The following NUDC variants were observed in gnomAD, a reference collection of about 807,000 sequenced individuals.
NUDC encodes nuclear distribution C, dynein complex regulator.
A neutral mutation model predicts 45.0 loss-of-function variants in NUDC; 14 were observed. That is an observed-to-expected ratio of 0.31 (90% CI 0.21 to 0.49). The LOEUF is 0.49. Among genes scored for constraint, NUDC ranks in the 20% least tolerant of loss-of-function variants. The pLI is 0.99. For synonymous variants in NUDC, 153 were observed against 156.7 expected (o/e 0.98, Z 0.17); for missense variants, 323 against 426.2 (o/e 0.76, Z 2.13).
chr1:26,924,202 T>G, intron 2 of NUDC, 36 bp downstream of exon 2: 2 of 1,583,430 alleles, frequency 1.3e-6, no homozygotes, highest in Non-Finnish European at 1.7e-6. Context: ...TGGGCGGCTC[T>G]GTCTCTTCAG....
intron 1 of NUDC, among the ~76,000 whole-genome samples, chr1:26,900,844 T>A (rs1443605953): frequency 2.0e-5 from 3 of 152,032 alleles, no homozygotes; most frequent in Non-Finnish European, 2.9e-5. Flanking sequence ...AAGAAAAAGA[T>A]AACCCGGTAG....
chr1:26,931,556 G>A (rs1173640870), intron 2 of NUDC, among the ~76,000 whole-genome samples: 4 of 149,890 alleles, frequency 2.7e-5, no homozygotes, highest in Non-Finnish European at 4.4e-5. Flanking sequence ...CGAGGTGGGC[G>A]GATCATGAGG....
chr1:26,903,117 A>G (rs945190106), intron 2 of NUDC, among the ~76,000 whole-genome samples: 3 of 152,090 alleles, frequency 2.0e-5, no homozygotes, highest in African/African-American at 4.8e-5. Flanking sequence ...ATTTCACAGT[A>G]TATATAAATA....
intron 2 of NUDC, among the ~76,000 whole-genome samples, chr1:26,937,896 G>C (rs1169706417): frequency 6.6e-6 from 1 of 152,078 alleles, no homozygotes; most frequent in East Asian, 1.9e-4. Context: ...TGATCTGTCT[G>C]CCTCTGCTTC....
At chr1:26,937,754 G>T (rs1044451236) in intron 2 of NUDC, among the ~76,000 whole-genome samples, 3 of 151,992 alleles carry the variant, frequency 2.0e-5, no homozygotes, top group African/African-American at 7.2e-5. Context: ...CCAGGCTCAA[G>T]CAATCCCCCT....
At chr1:26,921,627 C>G (rs1570721038), upstream of NUDC, 10 of 590,904 alleles carry the variant, frequency 1.7e-5, no homozygotes, top group African/African-American at 1.1e-4. Flanking sequence ...GACCAATGGT[C>G]GGCGAAGCGG....
Position 26,913,886 on chromosome 1 carries a change from C to T in NUDC, c.93+2651C>T, listed in dbSNP as rs746657025. ...GAGCTCAGAAGTGCGTAGAGAATGG[C>T]GGGGCGGCTTGCAGCTCCCTGGCAT... On this transcript the variant is annotated intron_variant, in intron 3 of 6. Transcript: ENST00000435827. 15 of 1,487,148 alleles carry T rather than the reference C, an allele frequency of 1.0e-5. No homozygotes were observed. In the Admixed American group the frequency reaches 1.6e-4, roughly 16 times the overall value. The allele number at this position is 1,487,148 out of a possible 1,614,324, so 92.1% of individuals were successfully genotyped here. A position where few individuals can be genotyped will look rare whatever the true frequency, so the allele number is the denominator to read the frequency against.
intron 1 of NUDC, 39 bp downstream of exon 1, chr1:26,921,968 G>A: frequency 6.5e-7 from 1 of 1,540,896 alleles, no homozygotes; most frequent in Non-Finnish European, 8.8e-7. Flanking sequence ...CGGCGGCCTT[G>A]GCCACGCTCC....
intron 3 of NUDC, chr1:26,912,188 C>G: frequency 6.9e-7 from 1 of 1,447,668 alleles, no homozygotes; most frequent in Non-Finnish European, 9.4e-7. Flanking sequence ...ACCCCTCTGC[C>G]TCCTTTGCTC....
chr1:26,920,342 A>G (rs2082082822), upstream of NUDC, among the ~76,000 whole-genome samples: 1 of 152,038 alleles, frequency 6.6e-6, no homozygotes, highest in Non-Finnish European at 1.5e-5. Context: ...ACAAAAAAAA[A>G]TTAGTTAGGC....
intron 2 of NUDC, among the ~76,000 whole-genome samples, chr1:26,925,672 C>T (rs1318598963): frequency 6.6e-6 from 1 of 150,736 alleles, no homozygotes; most frequent in African/African-American, 2.4e-5. Context: ...CTTTCTGATT[C>T]CTTAAAGTTG....
intron 2 of NUDC, among the ~76,000 whole-genome samples, chr1:26,925,372 C>T (rs929731786): frequency 6.6e-6 from 1 of 150,838 alleles, no homozygotes; most frequent in African/African-American, 2.4e-5. Context: ...AACCCCGTCT[C>T]TACTAAAAAC....
intron 3 of NUDC, chr1:26,912,200 G>T (rs1166444070): frequency 5.5e-6 from 7 of 1,278,964 alleles, no homozygotes; most frequent in Non-Finnish European, 7.6e-6. Flanking sequence ...CCTTTGCTCG[G>T]CCTTTGAGGT....
upstream of NUDC, among the ~76,000 whole-genome samples, chr1:26,919,810 ATAG>A (rs2082079961): frequency 6.6e-6 from 1 of 152,234 alleles, no homozygotes; most frequent in Non-Finnish European, 1.5e-5. Context: ...GTGGGAAGAA[ATAG>A]TAGTCTTAAC....
At chr1:26,916,359 C>T (rs949479897) in intron 3 of NUDC, among the ~76,000 whole-genome samples, 2 of 151,916 alleles carry the variant, frequency 1.3e-5, no homozygotes, top group African/African-American at 4.8e-5. Flanking sequence ...TGCCCTCCTG[C>T]CTTGCTCTAG....
In NUDC at chr1:26,921,773, C is replaced by T. The variant is rs1014513867; in HGVS notation, c.-76C>T. ...AGGCGGACGACTAGAGTCGTTGGGC[C>T]CGGCGCGACCCGCAGGAGCGTAGAG... On this transcript the variant is annotated 5_prime_UTR_variant, in exon 1 of 9. Transcript: ENST00000321265. The T allele has an allele frequency of 3.4e-6, 5 of 1,480,452 alleles. No homozygotes were observed. Among genetic ancestry groups the T allele is most frequent in the Non-Finnish European group, 9.2e-7 (1 of 1,086,466 alleles). The allele number at this position is 1,480,452 out of a possible 1,614,324, so 91.7% of individuals were successfully genotyped here. A position where few individuals can be genotyped will look rare whatever the true frequency, so the allele number is the denominator to read the frequency against.
chr1:26,916,074 T>C (rs962577779), intron 3 of NUDC, among the ~76,000 whole-genome samples: 1 of 152,078 alleles, frequency 6.6e-6, no homozygotes, highest in African/African-American at 2.4e-5. Context: ...AGGTTACGAT[T>C]TGGAGGACCC....
intron 8 of NUDC, 148 bp from the exon 9 acceptor site, chr1:26,945,982 G>A (rs369285177): frequency 2.8e-5 from 22 of 798,742 alleles, no homozygotes; most frequent in Middle Eastern, 2.3e-4. Context: ...ACTCAAATGC[G>A]TCTCAGATAC....
At chr1:26,927,370 A>G (rs1051042569) in intron 2 of NUDC, among the ~76,000 whole-genome samples, 1 of 143,226 alleles carries the variant, frequency 7.0e-6, no homozygotes, top group African/African-American at 2.7e-5. Flanking sequence ...AGCCTCCCAA[A>G]GTGCTGGGAC....
Sources: gnomAD v4.1 joint callset for allele counts (sites outside exome capture counted in the v4.1 genomes callset) on GRCh38, gnomAD v4.1.1 for gene constraint, MANE v1.5 for transcripts, NCBI Gene and HGNC (gene_info 2026-07-23, HGNC 2026-07-21) for gene names.